Variants in OSBPL7 observed in about 807,000 individuals in gnomAD.
The protein encoded by OSBPL7 is oxysterol-binding protein-related protein 7.
Under a neutral mutation model 115.8 loss-of-function variants are expected in OSBPL7, and 66 were observed. The observed-to-expected ratio is 0.57, with a 90% CI of 0.47 to 0.70. The LOEUF is 0.70. Ranked by LOEUF, OSBPL7 falls within the 30% of genes least tolerant of loss-of-function variation. The pLI, the probability that OSBPL7 is intolerant of heterozygous loss-of-function variation, is 0.00. For synonymous variants in OSBPL7, 441 were observed against 439.2 expected, an observed-to-expected ratio of 1.00 and a Z score of -0.05; for missense variants, 902 against 1,125.5, an observed-to-expected ratio of 0.80 and a Z score of 2.84.
chr17:47,815,235 C>T lies in OSBPL7; in HGVS notation c.1237G>A (p.Ala413Thr), dbSNP rs777755405. 7.4e-6 allele frequency: 12 copies of T among 1,613,096 alleles called. No homozygotes were observed. Among genetic ancestry groups the T allele is most frequent in the East Asian group, 4.5e-5 (2 of 44,870 alleles). Residue 413 changes from alanine (A) to threonine (T), a missense_variant, in exon 13 of 23, where the codon GCC becomes ACC. Physicochemically the swap from Ala to Thr is moderately conservative, Grantham distance 58. Transcript: ENST00000007414. ...FFDACEVLLS[A>T]SSSENEGSEE... ...CTCACCTCATTCTCAGAAGAGCTGG[C>T]GGAGAGGAGAACCTCGCAGGCATCG...
chr17:47,815,179 T>G (rs55998645), intron 13 of OSBPL7, 36 bp downstream of exon 13: 8 of 1,594,850 alleles, frequency 5.0e-6, no homozygotes, highest in Admixed American at 1.7e-5. Flanking sequence ...AGGTCCCCCC[T>G]ACCCCGCCTC....
At chr17:47,814,490 AC>A in intron 14 of OSBPL7, 30 bp downstream of exon 14, 3 of 334,266 alleles carry the variant, frequency 9.0e-6, no homozygotes, top group East Asian at 6.9e-5. Flanking sequence ...CCCGCCTCCC[AC>A]CCCTCCCTGC....
intron 13 of OSBPL7, 65 bp from the exon 14 acceptor site, chr17:47,814,679 G>A (rs776285939): frequency 6.9e-7 from 1 of 1,448,148 alleles, no homozygotes; most frequent in South Asian, 1.2e-5. Flanking sequence ...GCAGTGCCCA[G>A]GGCCTGGCAA....
At chr17:47,818,421 C>T (rs2033293239) in intron 6 of OSBPL7, 35 bp from the exon 7 acceptor site, 4 of 1,599,586 alleles carry the variant, frequency 2.5e-6, no homozygotes, top group Non-Finnish European at 2.6e-6. Flanking sequence ...AAGGATGATG[C>T]CCACCTCCCT....
rs374995033 is a variant in OSBPL7 at position 47,814,728 on chromosome 17, G to T, written c.1258-114C>A. The T allele has an allele frequency of 1.0e-4, 89 of 883,742 alleles. No individual in the cohort carries two copies. The African/African-American group carries it at 1.4e-3, about 14-fold the overall frequency. 54.7% of individuals were successfully genotyped at this position (883,742 alleles called of 1,614,324 possible). The stretch of plus-strand genomic sequence containing the variant: ...TAGCCCTTTGGTGGGAAGGGGAAGA[G>T]AATGTATTGGGGGCACTCTGAGCCC... On this transcript the variant is annotated intron_variant, in intron 13 of 22. Transcript: ENST00000007414.
chr17:47,818,549 A>G lies in OSBPL7; in HGVS notation c.437T>C (p.Leu146Pro). 1 of 1,611,294 alleles carries G rather than the reference A, an allele frequency of 6.2e-7. No individual in the cohort carries two copies. The highest frequency in any genetic ancestry group is 8.5e-7 in the Non-Finnish European group (1 of 1,178,708). Residue 146 changes from leucine to proline, a missense_variant, in exon 6 of 23, where the codon CTG (leucine) becomes CCG (proline). Physicochemically the swap from Leu to Pro is moderately conservative, Grantham distance 98 (BLOSUM62 -3). Transcript: ENST00000007414. Reference protein sequence around the residue: ...QLRAHRLAHRLDMPRGSLPST... With the variant: ...QLRAHRLAHRPDMPRGSLPST... ...GGGCAGTGAGCCACGGGGCATGTCC[A>G]GGCGGTGGGCTAGGCGGTGGGCACG...
rs1452094972 is a variant in OSBPL7 at position 47,816,951 on chromosome 17, G to T, written c.703-79C>A. 8 of 1,390,662 alleles carry T rather than the reference G, an allele frequency of 5.8e-6. No individual in the cohort carries two copies. The Middle Eastern group carries it at 5.3e-4, about 92-fold the overall frequency. The allele number at this position is 1,390,662 out of a possible 1,614,324, so 86.1% of individuals were successfully genotyped here. On this transcript the variant is annotated intron_variant, in intron 8 of 22. Transcript: ENST00000007414. This position sits in a 1 kb window ranked among gnomAD's most constrained non-coding sequence, Gnocchi z 5.8. ...AAACCATCACAGCCTGGGAGAGGTA[G>T]ACGGCCTCCTGCGCCATGGAGGAGG...
chr17:47,812,598 C>G (rs1027494106), intron 16 of OSBPL7, among the ~76,000 whole-genome samples: 7 of 152,254 alleles, frequency 4.6e-5, no homozygotes, highest in African/African-American at 1.7e-4. Context: ...TCCCCATCCC[C>G]TACACGGGAG....
chr17:47,815,013 G>A (rs905336563), intron 13 of OSBPL7: 22 of 683,524 alleles, frequency 3.2e-5, no homozygotes, highest in Non-Finnish European at 5.0e-5. Flanking sequence ...GGATACAAAT[G>A]TCACACTCCT....
At position 47,813,693 on chromosome 17, in the gene OSBPL7, A is replaced by G. The variant is rs1300123222; in HGVS notation, c.1493T>C (p.Val498Ala). 2 of 1,613,350 alleles carry G rather than the reference A, an allele frequency of 1.2e-6. No homozygotes were observed. Among genetic ancestry groups the G allele is most frequent in the Admixed American group, 1.7e-5 (1 of 60,024 alleles). ...AGTGTTGAGCGGCTCGTTGAGCTGC[A>G]CAGGCATTGACACCTTGGACAGGTC... ...GKDLSKVSMP[V>A]QLNEPLNTLQ... The change falls in exon 15 of 23, where the codon GTG (valine) becomes GCG (alanine). Residue 498 changes from valine (V) to alanine (A), a missense_variant. Physicochemically the swap from Val to Ala is moderately conservative, Grantham distance 64 (BLOSUM62 0). Around this residue, in one of 3 missense-constraint regions of OSBPL7, gnomAD observed 667 missense variants for 788.7 expected, o/e 0.85. Coordinates refer to ENST00000007414, the MANE Select transcript of OSBPL7 (RefSeq NM_145798.3).
chr17:47,814,686 G>A, intron 13 of OSBPL7, 72 bp from the exon 14 acceptor site: 1 of 1,329,812 alleles, frequency 7.5e-7, no homozygotes, highest in Non-Finnish European at 1.1e-6. Context: ...CCAGGGCCTG[G>A]CAAGAATCTG....
intron 18 of OSBPL7, 106 bp from the exon 19 acceptor site, chr17:47,809,584 C>T (rs948559075): frequency 3.1e-6 from 4 of 1,310,604 alleles, no homozygotes; most frequent in Non-Finnish European, 4.2e-6. Context: ...GTGACAGGAA[C>T]CCTGGGGTCC....
In OSBPL7 at chr17:47,815,316, G is replaced by A. The variant is rs375400618; in HGVS notation, c.1156C>T (p.Pro386Ser). Residue 386 changes from proline (P) to serine (S), a missense_variant, in exon 13 of 23, where the codon CCC becomes TCC. By Grantham distance (74) the Pro-to-Ser change is moderately conservative (BLOSUM62 -1). Transcript: ENST00000007414. ...AGGATGCTGGTCTGCGATAGCTGGG[G>A]GGTGAGCTCGCGCCCCTTCATGTAC... is the stretch of plus-strand genomic sequence containing the variant. Reference protein sequence around the residue: ...ALYMKGRELTPQLSQTSILSL... With the variant: ...ALYMKGRELTSQLSQTSILSL... 1.9e-6 allele frequency: 3 copies of A among 1,613,854 alleles called. No homozygotes were observed. In the African/African-American group the frequency reaches 4.0e-5, roughly 22 times the overall value.
intron 13 of OSBPL7, 139 bp from the exon 14 acceptor site, chr17:47,814,753 C>T: frequency 1.4e-6 from 1 of 721,046 alleles, no homozygotes; most frequent in Admixed American, 2.7e-5. Flanking sequence ...ACTCTGAGCC[C>T]TAAGACATTG....
At chr17:47,820,394 G>T in intron 1 of OSBPL7, 29 bp from the exon 2 acceptor site, 1 of 965,228 alleles carries the variant, frequency 1.0e-6, no homozygotes, top group Non-Finnish European at 1.5e-6. Context: ...CCCCCTTAAC[G>T]CAAACTCTGC....
intron 8 of OSBPL7, 182 bp from the exon 9 acceptor site, chr17:47,817,054 C>A: frequency 1.4e-6 from 1 of 721,236 alleles, no homozygotes; most frequent in Non-Finnish European, 2.4e-6. Context: ...TGGAAGATGA[C>A]AGCCACCCTG....
Position 47,808,109 on chromosome 17 carries a change from G to A in OSBPL7, c.*182C>T, listed in dbSNP as rs780507481. 1.0e-4 allele frequency: 60 copies of A among 593,646 alleles called. No homozygotes were observed. The highest frequency in any genetic ancestry group is 7.5e-4 in the South Asian group (37 of 49,402). 36.8% of individuals were successfully genotyped at this position (593,646 alleles called of 1,614,324 possible). On this transcript the variant is annotated 3_prime_UTR_variant, in exon 23 of 23. Transcript: ENST00000007414. This position sits in a 1 kb window ranked among gnomAD's most constrained non-coding sequence, Gnocchi z 6.1. ...ACAGATTCTGCTTCTCACCCCAAAC[G>A]GTGGGGTTGGGGGTGGGCTGAGATG...
intron 2 of OSBPL7, 23 bp downstream of exon 2, chr17:47,820,181 C>A: frequency 6.2e-7 from 1 of 1,613,926 alleles, no homozygotes; most frequent in South Asian, 1.1e-5. Flanking sequence ...GGCCCACCCA[C>A]CACCGCTTTC....
At chr17:47,815,406 A>G in intron 12 of OSBPL7, 54 bp from the exon 13 acceptor site, 1 of 1,605,716 alleles carries the variant, frequency 6.2e-7, no homozygotes, top group Non-Finnish European at 8.5e-7. Context: ...GGGGGGATCA[A>G]GCAGGGCACC....
Sources: allele counts gnomAD v4.1 joint callset (sites outside exome capture counted in the v4.1 genomes callset), GRCh38; gene constraint gnomAD v4.1.1; regional missense constraint gnomAD v4.1.1; non-coding constraint Gnocchi (gnomAD v3.1); transcripts MANE v1.5; gene names NCBI Gene and HGNC (gene_info 2026-07-23, HGNC 2026-07-21).